Variants in AJAP1 observed in about 807,000 individuals in gnomAD.
The protein encoded by AJAP1 is adherens junction-associated protein 1.
In AJAP1, 5 loss-of-function variants were observed where a neutral mutation model predicts 35.0. The observed-to-expected ratio is 0.14, with a 90% CI of 0.07 to 0.30. The LOEUF (loss-of-function observed/expected upper bound fraction) is 0.30. Among genes scored for constraint, AJAP1 ranks in the 10% least tolerant of loss-of-function variants. The pLI, the probability that AJAP1 is intolerant of heterozygous loss-of-function variation, is 1.00. For synonymous variants in AJAP1, 284 were observed against 249.3 expected (o/e 1.14, Z -1.31); for missense variants, 586 against 571.0 (o/e 1.03, Z -0.27).
At position 4,712,248 on chromosome 1, in the gene AJAP1, C is replaced by T; in HGVS notation, c.378C>T (p.Ser126=). The T allele has an allele frequency of 6.5e-7, 1 of 1,529,164 alleles. No homozygotes were observed. Among genetic ancestry groups the T allele is most frequent in the Admixed American group, 2.1e-5 (1 of 47,208 alleles). 94.7% of individuals were successfully genotyped at this position (1,529,164 alleles called of 1,614,324 possible). A position where few individuals can be genotyped will look rare whatever the true frequency, so the allele number is the denominator to read the frequency against. The change falls in exon 2 of 6, where the codon TCC becomes TCT. Residue 126 remains serine, a synonymous_variant. Coordinates refer to ENST00000378191, the MANE Select transcript of AJAP1 (RefSeq NM_018836.4). The part of the protein sequence containing the change: ...GLAKPPAAAK[S]SPSLASSSSS... ...CCAAGCCCCCAGCTGCTGCCAAATC[C>T]AGCCCTTCCCTCGCCTCTTCGTCCT... is the stretch of plus-strand genomic sequence containing the variant.
intron 1 of AJAP1, among the ~76,000 whole-genome samples, chr1:4,681,500 G>A (rs531179337): frequency 1.9e-4 from 29 of 152,270 alleles, no homozygotes; most frequent in African/African-American, 6.7e-4. Context: ...TGCCTTTCTC[G>A]GGCTCTGGGC....
chr1:4,691,929 T>C (rs538536661), intron 1 of AJAP1, among the ~76,000 whole-genome samples: 1 of 152,148 alleles, frequency 6.6e-6, no homozygotes, highest in East Asian at 1.9e-4. Flanking sequence ...GTCAGGGACC[T>C]GCAGAGGGAC....
intron 2 of AJAP1, among the ~76,000 whole-genome samples, chr1:4,760,354 AGT>A (rs1197392849): frequency 6.7e-6 from 1 of 148,448 alleles, no homozygotes; most frequent in African/African-American, 2.5e-5. Flanking sequence ...TGTGTGTATG[AGT>A]GTGTGTGCAT....
intron 1 of AJAP1, among the ~76,000 whole-genome samples, chr1:4,697,829 A>G (rs964621529): frequency 2.0e-5 from 3 of 152,220 alleles, no homozygotes; most frequent in Non-Finnish European, 1.5e-5. Context: ...AGCGGCCACT[A>G]ATGGGCTGGA....
At chr1:4,697,660 G>A (rs112782119) in intron 1 of AJAP1, among the ~76,000 whole-genome samples, 5,687 of 152,314 alleles carry the variant, frequency 0.037, 345 homozygotes, top group African/African-American at 0.13. Context: ...GGGCAGGTGC[G>A]CCACCATCTC....
chr1:4,770,065 C>G, intron 3 of AJAP1, 125 bp downstream of exon 3: 2 of 832,490 alleles, frequency 2.4e-6, no homozygotes, highest in Non-Finnish European at 4.0e-6. Flanking sequence ...CTGGGCAGTT[C>G]AGCTGCCACA....
At chr1:4,673,481 G>A (rs778559502) in intron 1 of AJAP1, among the ~76,000 whole-genome samples, 4 of 152,178 alleles carry the variant, frequency 2.6e-5, no homozygotes, top group African/African-American at 7.2e-5. Context: ...ATTGTAAACA[G>A]GTGAGATGTG....
Position 4,772,622 on chromosome 1 carries a change from T to A in AJAP1, c.1163+97T>A, listed in dbSNP as rs1206667710. 3 of 1,532,198 alleles carry A rather than the reference T, an allele frequency of 2.0e-6. No homozygotes were observed. The African/African-American group carries it at 4.1e-5, about 21-fold the overall frequency. The allele number at this position is 1,532,198 out of a possible 1,614,324, so 94.9% of individuals were successfully genotyped here. On this transcript the variant is annotated intron_variant, in intron 4 of 5. Coordinates refer to ENST00000378191, the MANE Select transcript of AJAP1 (RefSeq NM_018836.4). ...GCTGAGCTGAGAGCTGTTGGTCGGT[T>A]TAGGTCTTCCCTGAGGTCGCTTTGA... is the stretch of plus-strand genomic sequence containing the variant.
At chr1:4,665,969 G>A (rs1251413632) in intron 1 of AJAP1, among the ~76,000 whole-genome samples, 1 of 152,244 alleles carries the variant, frequency 6.6e-6, no homozygotes, top group African/African-American at 2.4e-5. Context: ...GGCCCGAGGA[G>A]GAAGGGACAG....
chr1:4,754,456 T>C (rs994716469), intron 2 of AJAP1, among the ~76,000 whole-genome samples: 5 of 152,184 alleles, frequency 3.3e-5, no homozygotes, highest in Admixed American at 6.5e-5. Flanking sequence ...TGGGACTATG[T>C]GGAGAGAAAG....
chr1:4,741,342 G>T (rs1641064418), intron 2 of AJAP1, among the ~76,000 whole-genome samples: 1 of 152,164 alleles, frequency 6.6e-6, no homozygotes, highest in South Asian at 2.1e-4. Flanking sequence ...TCCCTCTGGA[G>T]GTTCCAGGGG....
rs1639780915 is a variant in AJAP1, at chr1:4,693,110, G to A, written c.30-18790G>A. On this transcript the variant is annotated intron_variant, in intron 1 of 5. Transcript: ENST00000378191. This position sits in a 1 kb window ranked among gnomAD's most constrained non-coding sequence, Gnocchi z 4.4. ...CCTTCCCTCACCATGGCCCAGGGAG[G>A]TTGACAGGGCTGGATTTTCTCCCAG... Among the ~76,000 whole-genome samples the A allele has an allele frequency of 6.6e-6, 1 of 152,162 alleles. No homozygotes were observed. Among genetic ancestry groups the A allele is most frequent in the Non-Finnish European group, 1.5e-5 (1 of 68,046 alleles).
At chr1:4,707,917 G>A (rs1035116702) in intron 1 of AJAP1, among the ~76,000 whole-genome samples, 8 of 149,240 alleles carry the variant, frequency 5.4e-5, no homozygotes, top group Non-Finnish European at 8.9e-5. Context: ...CATGTTCTCT[G>A]TCTTTCTGCT....
intron 1 of AJAP1, among the ~76,000 whole-genome samples, chr1:4,679,560 A>C (rs1219109421): frequency 6.6e-6 from 1 of 152,172 alleles, no homozygotes; most frequent in Non-Finnish European, 1.5e-5. Context: ...TCTGGAGACT[A>C]GATGTCCAAA....
intron 2 of AJAP1, among the ~76,000 whole-genome samples, chr1:4,765,073 C>T (rs139212508): frequency 6.0e-4 from 91 of 152,288 alleles, no homozygotes; most frequent in Admixed American, 4.8e-3. Context: ...TGATTCCTCA[C>T]GCATTAGTAT....
chr1:4,739,874 G>A (rs1641017002), intron 2 of AJAP1, among the ~76,000 whole-genome samples: 2 of 152,166 alleles, frequency 1.3e-5, no homozygotes, highest in African/African-American at 4.8e-5. Flanking sequence ...TGGCATCAGA[G>A]TGTCTGATAA....
intron 2 of AJAP1, among the ~76,000 whole-genome samples, chr1:4,749,219 T>C (rs1176403633): frequency 2.6e-5 from 4 of 152,168 alleles, no homozygotes; most frequent in African/African-American, 9.7e-5. Flanking sequence ...GACCTGCAGA[T>C]GCTCTCAGGA....
At chr1:4,751,929 T>C (rs1641328301) in intron 2 of AJAP1, among the ~76,000 whole-genome samples, 1 of 152,188 alleles carries the variant, frequency 6.6e-6, no homozygotes, top group Non-Finnish European at 1.5e-5. Flanking sequence ...CAGGGTGCAC[T>C]GAGTCCCTGC....
rs1424477294 is a variant in AJAP1 at position 4,692,584 on chromosome 1, C to T, written c.30-19316C>T. On this transcript the variant is annotated intron_variant, in intron 1 of 5. Coordinates refer to ENST00000378191, the MANE Select transcript of AJAP1 (RefSeq NM_018836.4). The surrounding 1 kb of genome is among the most constrained non-coding windows in gnomAD (Gnocchi z 4.4). Reference sequence around the variant, plus strand: ...GCCTCCGCAGGCCTCCTGACCATGGCGGGGCCTTCCCTAGTGGACCCCACA... The same window carrying T: ...GCCTCCGCAGGCCTCCTGACCATGGTGGGGCCTTCCCTAGTGGACCCCACA... Among the ~76,000 whole-genome samples the T allele has an allele frequency of 6.6e-6, 1 of 152,208 alleles. No individual in the cohort carries two copies. The highest frequency in any genetic ancestry group is 1.5e-5 in the Non-Finnish European group (1 of 68,032).
Sources: gnomAD v4.1 joint callset for allele counts (sites outside exome capture counted in the v4.1 genomes callset) on GRCh38, gnomAD v4.1.1 for gene constraint, Gnocchi (gnomAD v3.1) non-coding constraint, MANE v1.5 for transcripts, NCBI Gene and HGNC (gene_info 2026-07-23, HGNC 2026-07-21) for gene names.